The following OLFML2B variants were observed in gnomAD, a reference collection of about 807,000 sequenced individuals.
OLFML2B encodes the protein olfactomedin like 2B, also known as olfactomedin-like protein 2B.
OLFML2B carries 57 observed loss-of-function variants against 74.9 expected under a neutral mutation model. That is an observed-to-expected ratio of 0.76 (90% CI 0.61 to 0.95). The LOEUF (loss-of-function observed/expected upper bound fraction) is 0.95. OLFML2B is among the 40% of genes least tolerant of loss of function. The probability of loss-of-function intolerance (pLI) is 0.00; values close to 1 mark genes in which losing one functional copy is unlikely to be tolerated. For missense variants in OLFML2B, 986 were observed against 970.6 expected, an observed-to-expected ratio of 1.02 and a Z score of -0.21; for synonymous variants, 388 against 405.8, an observed-to-expected ratio of 0.96 and a Z score of 0.53.
rs751861781 is a variant in OLFML2B at position 162,020,018 on chromosome 1, C to T, written c.339G>A (p.Ser113=). Residue 113 remains serine (S), a synonymous_variant, in exon 2 of 8, where the codon TCG becomes TCA. Transcript: ENST00000294794. ...YTVETITSGS[S]CKCACVAPPS... Reference sequence around the variant, plus strand: ...GGGGTGCTACACAGGCACACTTGCACGACGAGCCTGAGGTGATGGTTTCCA... The same window carrying T: ...GGGGTGCTACACAGGCACACTTGCATGACGAGCCTGAGGTGATGGTTTCCA... 2.7e-5 allele frequency: 43 copies of T among 1,614,094 alleles called. No homozygotes were observed. The highest frequency in any genetic ancestry group is 3.3e-4 in the Middle Eastern group (2 of 6,084).
In OLFML2B at chr1:161,998,142, G is replaced by A; in HGVS notation, c.1157C>T (p.Ala386Val). Residue 386 changes from alanine (A) to valine (V), a missense_variant, in exon 6 of 8, where the codon GCC becomes GTC. Transcript: ENST00000294794. ...PQPSTSDPSIANHASVGPTLQ... is the reference protein window; with the variant it reads ...PQPSTSDPSIVNHASVGPTLQ... ...TGTTGGTCCCACTGAGGCATGGTTG[G>A]CGATGCTGGGATCTGAGGTCGAGGG... The A allele has an allele frequency of 6.2e-7, 1 of 1,614,060 alleles. No homozygotes were observed. Among genetic ancestry groups the A allele is most frequent in the Non-Finnish European group, 8.5e-7 (1 of 1,180,036 alleles).
At chr1:161,996,681 G>T (rs1183365506) in intron 6 of OLFML2B, among the ~76,000 whole-genome samples, 1 of 152,206 alleles carries the variant, frequency 6.6e-6, no homozygotes, top group Non-Finnish European at 1.5e-5. Flanking sequence ...AAAGACATTT[G>T]TAACTGGCTC....
intron 2 of OLFML2B, among the ~76,000 whole-genome samples, chr1:162,018,265 T>G (rs1287065583): frequency 6.6e-6 from 1 of 152,190 alleles, no homozygotes; most frequent in Non-Finnish European, 1.5e-5. Flanking sequence ...AACCTGCACA[T>G]GTACCCCTGA....
chr1:161,985,102 C>A, intron 6 of OLFML2B, 122 bp from the exon 7 acceptor site: 1 of 970,734 alleles, frequency 1.0e-6, no homozygotes, highest in Non-Finnish European at 1.5e-6. Context: ...CCCTGTATAA[C>A]CTGACCCCAA....
rs556093023 is a variant in OLFML2B at position 162,002,846 on chromosome 1, C to A, written c.724-2508G>T. Among the ~76,000 whole-genome samples the A allele has an allele frequency of 2.9e-3, 449 of 152,330 alleles. 1 individual carries two copies. The highest frequency in any genetic ancestry group is 4.1e-3 in the Non-Finnish European group (276 of 68,026). On this transcript the variant is annotated intron_variant, in intron 4 of 7. Transcript: ENST00000294794. ...TTCCCTGTTCTTGCTGGTGATGTAA[C>A]CTCCACCTGAGCTGTAGGGGATATC...
chr1:162,003,472 G>A (rs1690134792), intron 4 of OLFML2B, among the ~76,000 whole-genome samples: 1 of 152,228 alleles, frequency 6.6e-6, no homozygotes, highest in South Asian at 2.1e-4. Flanking sequence ...GATGGAGCAA[G>A]ACCATGGACA....
intron 6 of OLFML2B, among the ~76,000 whole-genome samples, 153 bp downstream of exon 6, chr1:161,997,672 T>C (rs1182596925): frequency 6.6e-6 from 1 of 152,172 alleles, no homozygotes; most frequent in Non-Finnish European, 1.5e-5. Context: ...CCCTAGATGT[T>C]AAAACTAATC....
chr1:162,008,671 C>G (rs1690297199), intron 3 of OLFML2B, among the ~76,000 whole-genome samples: 1 of 152,196 alleles, frequency 6.6e-6, no homozygotes, highest in Admixed American at 6.5e-5. Flanking sequence ...CACACAGGAG[C>G]TTGTTAAAAC....
chr1:161,994,673 C>G lies in OLFML2B; in HGVS notation c.1474+3152G>C, dbSNP rs2499837. On this transcript the variant is annotated intron_variant, in intron 6 of 7. Coordinates refer to ENST00000294794, the MANE Select transcript of OLFML2B (RefSeq NM_015441.3). ...CCTTCTCGGATGGTACCAATCCTAC[C>G]CAAACCCCAGCTCCAATTACTGACA... 5.9e-3 allele frequency among the ~76,000 whole-genome samples: 893 copies of G among 152,330 alleles called. 11 individuals carry two copies. Among genetic ancestry groups the G allele is most frequent in the African/African-American group, 0.02 (852 of 41,564 alleles).
In OLFML2B at chr1:161,998,178, G is replaced by C. The variant is rs1689974093; in HGVS notation, c.1121C>G (p.Ala374Gly). The change falls in exon 6 of 8, where the codon GCA becomes GGA. Residue 374 changes from alanine to glycine, a missense_variant. By Grantham distance (60) the Ala-to-Gly change is moderately conservative. Coordinates refer to ENST00000294794, the MANE Select transcript of OLFML2B (RefSeq NM_015441.3). ...LNARTAPWSS[A>G]LPQPSTSDPS... Reference sequence around the variant, plus strand: ...ATCTGAGGTCGAGGGCTGTGGCAGTGCTGAGGACCAGGGTGCGGTCCGAGC... The same window carrying C: ...ATCTGAGGTCGAGGGCTGTGGCAGTCCTGAGGACCAGGGTGCGGTCCGAGC... 1 of 1,614,096 alleles carries C rather than the reference G, an allele frequency of 6.2e-7. No individual in the cohort carries two copies. Among genetic ancestry groups the C allele is most frequent in the Non-Finnish European group, 8.5e-7 (1 of 1,180,032 alleles).
intron 3 of OLFML2B, among the ~76,000 whole-genome samples, chr1:162,006,927 AAAC>A (rs1335065199): frequency 2.6e-5 from 4 of 152,032 alleles, no homozygotes; most frequent in Non-Finnish European, 5.9e-5. Flanking sequence ...CAAACAAACA[AAAC>A]AAACAACAAC....
chr1:161,997,621 A>G (rs1319629188), intron 6 of OLFML2B, among the ~76,000 whole-genome samples: 1 of 152,220 alleles, frequency 6.6e-6, no homozygotes, highest in Non-Finnish European at 1.5e-5. Context: ...TTAGGAAAAA[A>G]GAGTCCCACC....
In OLFML2B at chr1:161,983,694, T is replaced by C. The variant is rs865787033; in HGVS notation, c.2234A>G (p.His745Arg). The change falls in exon 8 of 8, where the codon CAT becomes CGT. Residue 745 changes from histidine to arginine, a missense_variant. Physicochemically the swap from His to Arg is conservative, Grantham distance 29. Transcript: ENST00000294794. ...AGGGTGTCAGTAGGCAAAGATGACATGGTAAGTGACCTGGTGGCCATTGTC... is the reference window on the plus strand; with the variant it reads ...AGGGTGTCAGTAGGCAAAGATGACACGGTAAGTGACCTGGTGGCCATTGTC... Reference protein sequence around the residue: ...AWDNGHQVTYHVIFAY With the variant: ...AWDNGHQVTYRVIFAY 2 of 1,609,666 alleles carry C rather than the reference T, an allele frequency of 1.2e-6. No individual in the cohort carries two copies. The highest frequency in any genetic ancestry group is 1.7e-6 in the Non-Finnish European group (2 of 1,176,708).
At chr1:162,023,222 G>T in intron 1 of OLFML2B, 35 bp downstream of exon 1, 1 of 1,468,478 alleles carries the variant, frequency 6.8e-7, no homozygotes, top group South Asian at 1.4e-5. Context: ...CACCATCCAG[G>T]GCAAGAAGGG....
At chr1:161,986,445 G>A (rs898985967) in intron 6 of OLFML2B, among the ~76,000 whole-genome samples, 3 of 152,212 alleles carry the variant, frequency 2.0e-5, no homozygotes, top group African/African-American at 7.2e-5. Flanking sequence ...GAAGAGGCAT[G>A]AACACTGTTT....
chr1:161,984,115 C>T lies in OLFML2B; in HGVS notation c.1813G>A (p.Ala605Thr). The T allele has an allele frequency of 1.2e-6, 2 of 1,611,162 alleles. No homozygotes were observed. The highest frequency in any genetic ancestry group is 2.2e-5 in the East Asian group (1 of 44,804). Residue 605 changes from alanine to threonine, a missense_variant, in exon 8 of 8, where the codon GCC (alanine) becomes ACC (threonine). Physicochemically the swap from Ala to Thr is moderately conservative, Grantham distance 58. Coordinates refer to ENST00000294794, the MANE Select transcript of OLFML2B (RefSeq NM_015441.3). Reference protein sequence around the residue: ...VAAWAMLHDVAYEEATPWRWQ... With the variant: ...VAAWAMLHDVTYEEATPWRWQ... ...CGCCAGGGGGTGGCCTCCTCGTAGG[C>T]CACGTCATGCAGCATGGCCCAGGCA... is the stretch of plus-strand genomic sequence containing the variant.
At position 162,005,196 on chromosome 1, in the gene OLFML2B, A is replaced by G. The variant is rs1690185746; in HGVS notation, c.723+1101T>C. Among the ~76,000 whole-genome samples the G allele has an allele frequency of 3.3e-5, 5 of 152,402 alleles. No individual in the cohort carries two copies. The South Asian group carries it at 1.0e-3, about 32-fold the overall frequency. On this transcript the variant is annotated intron_variant, in intron 4 of 7. Coordinates refer to ENST00000294794, the MANE Select transcript of OLFML2B (RefSeq NM_015441.3). Reference sequence around the variant, plus strand: ...AACCATTAGTACATAAACATAACTTAGTAGTAATTGGAGCCAAAAGAAACA... The same window carrying G: ...AACCATTAGTACATAAACATAACTTGGTAGTAATTGGAGCCAAAAGAAACA...
Position 162,006,460 on chromosome 1 carries a change from T to C in OLFML2B, c.560A>G (p.Asn187Ser). The change falls in exon 4 of 8, where the codon AAC becomes AGC. Residue 187 changes from asparagine to serine, a missense_variant. Transcript: ENST00000294794. ...VDKLEEEVSK[N>S]LTKENEQIKE... Reference sequence around the variant, plus strand: ...GATTTGTTCATTTTCCTTGGTGAGGTTTTTAGACACTTCCTGAGAAGGAAA... The same window carrying C: ...GATTTGTTCATTTTCCTTGGTGAGGCTTTTAGACACTTCCTGAGAAGGAAA... 2.6e-6 allele frequency: 4 copies of C among 1,564,316 alleles called. No homozygotes were observed. The highest frequency in any genetic ancestry group is 3.4e-6 in the Non-Finnish European group (4 of 1,163,616).
At position 162,006,390 on chromosome 1, in the gene OLFML2B, G is replaced by A; in HGVS notation, c.630C>T (p.Gly210=). 6.2e-7 allele frequency: 1 copy of A among 1,612,504 alleles called. No homozygotes were observed. Residue 210 remains glycine (G), a synonymous_variant, in exon 4 of 8, where the codon GGC becomes GGT. Transcript: ENST00000294794. ...GGATGTTTTCAGAGCAATTTTCTTTGCCTCGCTTATTCATCTCGGTTCGAA... is the reference window on the plus strand; with the variant it reads ...GGATGTTTTCAGAGCAATTTTCTTTACCTCGCTTATTCATCTCGGTTCGAA... ...EEIRTEMNKR[G]KENCSENILD...
Sources: allele counts gnomAD v4.1 joint callset (sites outside exome capture counted in the v4.1 genomes callset), GRCh38; gene constraint gnomAD v4.1.1; transcripts MANE v1.5; gene names NCBI Gene and HGNC (gene_info 2026-07-23, HGNC 2026-07-21).